The following KCNN2 variants were observed in gnomAD, a reference collection of about 807,000 sequenced individuals.
KCNN2 encodes the protein potassium calcium-activated channel subfamily N member 2, also known as small conductance calcium-activated potassium channel protein 2.
Under a neutral mutation model 55.5 loss-of-function variants are expected in KCNN2, and 24 were observed. The ratio of observed to expected loss-of-function variants is 0.43; its 90% CI spans 0.31 to 0.61. The LOEUF is 0.61. Ranked by LOEUF, KCNN2 falls within the 20% of genes least tolerant of loss-of-function variation. The probability of loss-of-function intolerance (pLI) is 0.08; values close to 1 mark genes in which losing one functional copy is unlikely to be tolerated. For synonymous variants in KCNN2, 431 were observed against 336.1 expected (o/e 1.28, Z -3.09); for missense variants, 754 against 853.6 (o/e 0.88, Z 1.45).
intron 3 of KCNN2, among the ~76,000 whole-genome samples, chr5:114,442,923 TGG>T (rs1561386529): frequency 5.8e-4 from 89 of 152,222 alleles, no homozygotes; most frequent in African/African-American, 2.0e-3. Flanking sequence ...AAGGGTAAAT[TGG>T]AACGTCATTT....
intron 5 of KCNN2, among the ~76,000 whole-genome samples, chr5:114,483,286 T>G (rs2150134016): frequency 6.7e-6 from 1 of 149,642 alleles, no homozygotes; most frequent in Non-Finnish European, 1.5e-5. Context: ...TTTTTTTTTT[T>G]TTTTTTGAGA....
chr5:114,182,510 A>G (rs1015331831), intron 1 of KCNN2, among the ~76,000 whole-genome samples: 19 of 152,118 alleles, frequency 1.2e-4, no homozygotes, highest in African/African-American at 4.6e-4. Flanking sequence ...CTAACATTAT[A>G]TATTTTTTCA....
At chr5:114,465,429 A>C (rs1450086582) in intron 4 of KCNN2, among the ~76,000 whole-genome samples, 1 of 152,098 alleles carries the variant, frequency 6.6e-6, no homozygotes, top group Non-Finnish European at 1.5e-5. Context: ...CCTGACCAAC[A>C]TGGAGAAACC....
At chr5:114,331,723 A>G (rs557665778) in intron 2 of KCNN2, among the ~76,000 whole-genome samples, 1 of 152,222 alleles carries the variant, frequency 6.6e-6, no homozygotes, top group Non-Finnish European at 1.5e-5. Context: ...TCATCAGTCT[A>G]TTGTTGGTTA....
At chr5:114,327,846 G>A (rs1756741211) in intron 2 of KCNN2, among the ~76,000 whole-genome samples, 1 of 152,206 alleles carries the variant, frequency 6.6e-6, no homozygotes, top group Non-Finnish European at 1.5e-5. Context: ...AATATACAAT[G>A]AGGACATGAC....
At chr5:114,246,505 A>G (rs1754750842) in intron 2 of KCNN2, among the ~76,000 whole-genome samples, 1 of 152,188 alleles carries the variant, frequency 6.6e-6, no homozygotes, top group South Asian at 2.1e-4. Context: ...TAAATCACTA[A>G]AACTCAGAAA....
intron 2 of KCNN2, among the ~76,000 whole-genome samples, chr5:114,382,195 G>A (rs901641468): frequency 3.3e-5 from 5 of 152,122 alleles, no homozygotes; most frequent in East Asian, 1.9e-4. Context: ...TTTGTTTACC[G>A]TTACTATTCT....
intron 4 of KCNN2, among the ~76,000 whole-genome samples, chr5:114,466,596 A>G (rs1348118735): frequency 6.6e-6 from 1 of 152,044 alleles, no homozygotes; most frequent in Non-Finnish European, 1.5e-5. Context: ...TTCATCTTAT[A>G]CTGGAATTAA....
intron 2 of KCNN2, among the ~76,000 whole-genome samples, chr5:114,280,802 C>T (rs1755608238): frequency 3.9e-5 from 6 of 152,100 alleles, no homozygotes; most frequent in African/African-American, 2.4e-5. Context: ...ATGGTTCAAG[C>T]TTTCCAGGGG....
intron 2 of KCNN2, among the ~76,000 whole-genome samples, chr5:114,316,734 T>C (rs996273375): frequency 6.6e-6 from 1 of 152,158 alleles, no homozygotes; most frequent in Non-Finnish European, 1.5e-5. Context: ...TTAATACATA[T>C]CGCTATCTAG....
chr5:114,370,703 C>G (rs1260594648), intron 2 of KCNN2, among the ~76,000 whole-genome samples: 1 of 151,916 alleles, frequency 6.6e-6, no homozygotes, highest in Non-Finnish European at 1.5e-5. Flanking sequence ...TGAGAGCAAA[C>G]CAGCATAGCA....
At chr5:114,196,207 A>G (rs1753553106) in intron 1 of KCNN2, among the ~76,000 whole-genome samples, 2 of 151,940 alleles carry the variant, frequency 1.3e-5, no homozygotes, top group South Asian at 2.1e-4. Context: ...CATTCCTGAG[A>G]TAATTCCCAC....
chr5:114,143,319 A>C (rs373699274), intron 1 of KCNN2, among the ~76,000 whole-genome samples: 3 of 152,196 alleles, frequency 2.0e-5, no homozygotes, highest in African/African-American at 7.2e-5. Flanking sequence ...CTTAAAACAG[A>C]AACACAGTCT....
intron 6 of KCNN2, among the ~76,000 whole-genome samples, chr5:114,491,700 G>A (rs1394620169): frequency 6.6e-6 from 1 of 152,052 alleles, no homozygotes; most frequent in African/African-American, 2.4e-5. Flanking sequence ...TATGAATCCA[G>A]CAGTGCAGAA....
At chr5:114,279,906 A>T (rs900379087) in intron 2 of KCNN2, among the ~76,000 whole-genome samples, 5 of 152,222 alleles carry the variant, frequency 3.3e-5, no homozygotes, top group African/African-American at 1.2e-4. Flanking sequence ...ACTAGTTTAC[A>T]GTCCCACCAA....
intron 2 of KCNN2, among the ~76,000 whole-genome samples, chr5:114,239,347 T>C (rs1754572890): frequency 1.3e-5 from 2 of 152,094 alleles, no homozygotes; most frequent in Non-Finnish European, 2.9e-5. Context: ...TTAACCGGTG[T>C]GAGGAATAGA....
chr5:114,111,220 G>A (rs1412528396), intron 1 of KCNN2, among the ~76,000 whole-genome samples: 1 of 152,142 alleles, frequency 6.6e-6, no homozygotes, highest in African/African-American at 2.4e-5. Context: ...GCAAAAACAA[G>A]CAATGGGGAA....
chr5:114,147,895 T>C (rs958858511), intron 1 of KCNN2, among the ~76,000 whole-genome samples: 3 of 152,180 alleles, frequency 2.0e-5, no homozygotes, highest in Non-Finnish European at 4.4e-5. Context: ...TTAGGAGCAA[T>C]GTGGAGTCCT....
rs886856992 is a variant in KCNN2 at position 114,286,875 on chromosome 5, A to G, written c.-185+65310A>G. ...GAAATGGTTAATTTGAACTGCCTTT[A>G]GACTATCATGACGGAAGTGTCTATT... On this transcript the variant is annotated intron_variant, in intron 2 of 10. Coordinates refer to the KCNN2 transcript ENST00000512097. 2.0e-5 allele frequency among the ~76,000 whole-genome samples: 3 copies of G among 152,366 alleles called. No homozygotes were observed. In the East Asian group the frequency reaches 5.8e-4, roughly 29 times the overall value.
Sources: gnomAD v4.1 joint callset for allele counts (sites outside exome capture counted in the v4.1 genomes callset) on GRCh38, gnomAD v4.1.1 for gene constraint, MANE v1.5 for transcripts, NCBI Gene and HGNC (gene_info 2026-07-23, HGNC 2026-07-21) for gene names.